Variants in TENM1 observed in about 807,000 individuals in gnomAD.
TENM1 encodes teneurin transmembrane protein 1, also known as teneurin-1.
A neutral mutation model predicts 174.8 loss-of-function variants in TENM1; 35 were observed. The observed-to-expected ratio is 0.20, with a 90% CI of 0.15 to 0.27. The LOEUF (loss-of-function observed/expected upper bound fraction) is 0.27. TENM1 is among the 10% of genes least tolerant of loss of function. The probability of loss-of-function intolerance (pLI) is 1.00; values close to 1 mark genes in which losing one functional copy is unlikely to be tolerated. For synonymous variants in TENM1, 781 were observed against 798.7 expected, an observed-to-expected ratio of 0.98 and a Z score of 0.37; for missense variants, 1,633 against 2,130.1, an observed-to-expected ratio of 0.77 and a Z score of 4.59.
chrX:125,118,239 G>A, the TENM1 span, among the ~76,000 whole-genome samples: 1 of 111,005 alleles, frequency 9.0e-6, no homozygotes, highest in African/African-American at 3.3e-5. Context: ...AGTGAGCGGG[G>A]AGTGAGGGCT....
At chrX:125,083,888 G>A in the TENM1 span, among the ~76,000 whole-genome samples, 4 of 110,847 alleles carry the variant, frequency 3.6e-5, no homozygotes, top group Non-Finnish European at 7.6e-5. Flanking sequence ...CCCAGGAGTA[G>A]TCTCTGCCTT....
intron 22 of TENM1, among the ~76,000 whole-genome samples, chrX:124,471,627 TA>T (rs1184604631): frequency 1.2e-4 from 10 of 81,950 alleles, no homozygotes; most frequent in South Asian, 5.2e-4. Flanking sequence ...TAATATAGAT[TA>T]ATATATAATA....
the TENM1 span, among the ~76,000 whole-genome samples, chrX:125,098,726 T>C: frequency 1.8e-5 from 2 of 112,085 alleles, no homozygotes; most frequent in Admixed American, 9.5e-5. Flanking sequence ...CAGACTGTGA[T>C]TAGACACTAT....
At chrX:125,161,075 C>T in the TENM1 span, among the ~76,000 whole-genome samples, 1 of 103,480 alleles carries the variant, frequency 9.7e-6, no homozygotes, top group African/African-American at 3.5e-5. Context: ...AACCCAAATG[C>T]CCAACAACTA....
chrX:125,200,733 C>G, the TENM1 span, among the ~76,000 whole-genome samples: 1 of 109,637 alleles, frequency 9.1e-6, no homozygotes, highest in African/African-American at 3.3e-5. Flanking sequence ...TAATCACTGA[C>G]TCAGTTATTC....
At chrX:125,159,162 G>A in the TENM1 span, among the ~76,000 whole-genome samples, 1 of 111,521 alleles carries the variant, frequency 9.0e-6, no homozygotes, top group Non-Finnish European at 1.9e-5. Context: ...CAGCTCTATG[G>A]GTGTATGATT....
rs768075406 is a variant in TENM1 at position 124,935,635 on chromosome X, T to C, written c.217+27902A>G. Among the ~76,000 whole-genome samples, 5 of 112,960 alleles carry C rather than the reference T, an allele frequency of 4.4e-5. 1 individual carries two copies. Among genetic ancestry groups the C allele is most frequent in the Non-Finnish European group, 7.5e-5 (4 of 53,378 alleles). On this transcript the variant is annotated intron_variant, in intron 1 of 31. Transcript: ENST00000422452. ...AGAGACCCAACAAATGTTTACCAAA[T>C]CAATTAAAGCATGACATTCAAACAC... is the stretch of plus-strand genomic sequence containing the variant.
At chrX:125,169,113 C>A in the TENM1 span, among the ~76,000 whole-genome samples, 1 of 110,446 alleles carries the variant, frequency 9.1e-6, no homozygotes, top group Non-Finnish European at 1.9e-5. Context: ...GCCATGTATA[C>A]CCCAGGAATA....
the TENM1 span, among the ~76,000 whole-genome samples, chrX:125,153,344 G>A: frequency 9.0e-6 from 1 of 111,526 alleles, no homozygotes; most frequent in Non-Finnish European, 1.9e-5. Flanking sequence ...ACATGTAAAC[G>A]TAAATAATCA....
At chrX:124,972,737 T>G in the TENM1 span, among the ~76,000 whole-genome samples, 1 of 112,204 alleles carries the variant, frequency 8.9e-6, no homozygotes, top group Non-Finnish European at 1.9e-5. Flanking sequence ...GAGAATTTTA[T>G]GTACTGAATA....
rs944352596 is a variant in TENM1 at position 124,525,606 on chromosome X, CTT to C, written c.2772-1983_2772-1982del. The stretch of plus-strand genomic sequence containing the variant: ...TAGGTGCCTGGAAATTATTCTCTCT[CTT>C]TTTAAAAAAAAACTTTTATTCTGTA... On this transcript the variant is annotated intron_variant, in intron 16 of 31. Coordinates refer to ENST00000422452, the Ensembl canonical transcript of TENM1. Among the ~76,000 whole-genome samples, 21 of 111,932 alleles carry C rather than the reference CTT, an allele frequency of 1.9e-4. No individual in the cohort carries two copies. In the Admixed American group the frequency reaches 2.0e-3, roughly 11 times the overall value.
the TENM1 span, among the ~76,000 whole-genome samples, chrX:125,154,119 T>A: frequency 8.9e-6 from 1 of 112,436 alleles, no homozygotes. Context: ...ATCAATTAGT[T>A]AAATGTTACC....
chrX:124,444,318 T>C (rs529279619), intron 23 of TENM1, among the ~76,000 whole-genome samples: 3 of 112,193 alleles, frequency 2.7e-5, no homozygotes, highest in African/African-American at 9.7e-5. Context: ...AAATCACTAA[T>C]GGTGCAAGTG....
Position 124,678,992 on chromosome X carries a change from T to G in TENM1, c.1016-7157A>C, listed in dbSNP as rs150479657. 8.7e-3 allele frequency among the ~76,000 whole-genome samples: 968 copies of G among 111,604 alleles called. 6 individuals are homozygous for G. The highest frequency in any genetic ancestry group is 0.011 in the Non-Finnish European group (603 of 52,894). On this transcript the variant is annotated intron_variant, in intron 5 of 31. Transcript: ENST00000422452. ...AAGTTAACCTTGAAATTATAAGACT[T>G]TTAAGACAAATGTAACTTTGCTTTC...
chrX:124,737,622 C>T (rs895994783), intron 3 of TENM1, among the ~76,000 whole-genome samples: 1 of 111,728 alleles, frequency 9.0e-6, no homozygotes, highest in African/African-American at 3.3e-5. Flanking sequence ...TCATTCGGCA[C>T]TTCAAATAAA....
intron 3 of TENM1, among the ~76,000 whole-genome samples, chrX:124,789,948 T>C (rs746889898): frequency 8.9e-6 from 1 of 112,050 alleles, no homozygotes; most frequent in South Asian, 3.8e-4. Flanking sequence ...GATAAAGTCA[T>C]ACCCAAGACT....
chrX:124,989,112 A>G, the TENM1 span, among the ~76,000 whole-genome samples: 1 of 111,652 alleles, frequency 9.0e-6, no homozygotes. Flanking sequence ...AGAAGGAAAT[A>G]AAGCTGCCAT....
the TENM1 span, among the ~76,000 whole-genome samples, chrX:125,064,843 G>A: frequency 1.8e-5 from 2 of 110,220 alleles, no homozygotes; most frequent in African/African-American, 6.6e-5. Flanking sequence ...TCCTGACCTC[G>A]GGATCCACTG....
rs888975689 is a variant in TENM1, at chrX:124,818,267, G to A, written c.535+76029C>T. ...TCATCAGTTTGTCAAACTGTTTTCC[G>A]TAACTGTTGTTCACTGGTTCATGTA... On this transcript the variant is annotated intron_variant, in intron 3 of 31. Coordinates refer to ENST00000422452, the Ensembl canonical transcript of TENM1. 3.6e-5 allele frequency among the ~76,000 whole-genome samples: 4 copies of A among 111,202 alleles called. No homozygotes were observed. The East Asian group carries it at 8.4e-4, about 23-fold the overall frequency.
Sources: allele counts gnomAD v4.1 joint callset (sites outside exome capture counted in the v4.1 genomes callset), GRCh38; gene constraint gnomAD v4.1.1; transcripts MANE v1.5; gene names NCBI Gene and HGNC (gene_info 2026-07-23, HGNC 2026-07-21).